PARP12: variants seen among roughly 807,000 people sequenced by gnomAD.
The protein encoded by PARP12 is poly(ADP-ribose) polymerase family member 12.
In PARP12, 59 loss-of-function variants were observed where a neutral mutation model predicts 72.4. The observed-to-expected ratio is 0.81, with a 90% CI of 0.66 to 1.01. The LOEUF (loss-of-function observed/expected upper bound fraction) is 1.01, where lower values mean the gene tolerates loss of function less well. Ranked by LOEUF, PARP12 falls within the 50% of genes least tolerant of loss-of-function variation. The probability of loss-of-function intolerance (pLI) is 0.00; values close to 1 mark genes in which losing one functional copy is unlikely to be tolerated. For missense variants in PARP12, 851 were observed against 914.0 expected (o/e 0.93, Z 0.89); for synonymous variants, 403 against 371.4 (o/e 1.09, Z -0.98).
Position 140,026,327 on chromosome 7 carries a change from C to T in PARP12, c.1650G>A (p.Lys550=). ...CGTCCACGGCCTTCCCTCCGTTCTG[C>T]TTCTGCATCTGTCCTTTTTGCCTAG... ...VYQWQKGQMQ[K]QNGGKAVDER... is the part of the protein sequence containing the mutation. The change falls in exon 11 of 12, where the codon AAG becomes AAA. Residue 550 remains lysine (K), a synonymous_variant. Coordinates refer to ENST00000263549, the MANE Select transcript of PARP12 (RefSeq NM_022750.4). The T allele has an allele frequency of 6.2e-7, 1 of 1,611,640 alleles. No homozygotes were observed. The highest frequency in any genetic ancestry group is 8.5e-7 in the Non-Finnish European group (1 of 1,179,822).
At chr7:140,029,904 G>A (rs1815875236) in intron 8 of PARP12, among the ~76,000 whole-genome samples, 1 of 152,154 alleles carries the variant, frequency 6.6e-6, no homozygotes, top group Non-Finnish European at 1.5e-5. Flanking sequence ...GTTGAGACAT[G>A]GAGAACAGTG....
At chr7:140,044,928 T>A (rs896280803) in intron 5 of PARP12, among the ~76,000 whole-genome samples, 3 of 152,174 alleles carry the variant, frequency 2.0e-5, no homozygotes, top group Non-Finnish European at 4.4e-5. Context: ...AAAATGGTAA[T>A]TGTGTAAGCT....
intron 8 of PARP12, 151 bp from the exon 9 acceptor site, chr7:140,028,839 C>T (rs575862421): frequency 6.8e-5 from 41 of 603,714 alleles, no homozygotes; most frequent in African/African-American, 4.9e-4. Flanking sequence ...AATGTTAGCA[C>T]GATATTCACA....
intron 6 of PARP12, 59 bp from the exon 7 acceptor site, chr7:140,037,915 C>A: frequency 6.4e-7 from 1 of 1,572,812 alleles, no homozygotes; most frequent in South Asian, 1.1e-5. Flanking sequence ...AGGAAAAACG[C>A]TGGTGGCACC....
Position 140,027,201 on chromosome 7 carries a change from G to A in PARP12, c.1628+75C>T, listed in dbSNP as rs953291126. On this transcript the variant is annotated intron_variant, in intron 10 of 11. Coordinates refer to ENST00000263549, the MANE Select transcript of PARP12 (RefSeq NM_022750.4). ...GCCGCTCTGCTTTTCCTGGAAACCC[G>A]GGCCACATGTGGCAACCAGCCAGTG... 4.2e-5 allele frequency: 66 copies of A among 1,557,248 alleles called. 3 individuals carry two copies. The highest frequency in any genetic ancestry group is 1.5e-4 in the South Asian group (13 of 87,352).
chr7:140,045,808 G>A (rs890744231), intron 5 of PARP12, among the ~76,000 whole-genome samples: 1 of 152,214 alleles, frequency 6.6e-6, no homozygotes, highest in Non-Finnish European at 1.5e-5. Flanking sequence ...CACGTTATTG[G>A]CCACCTGTGC....
chr7:140,047,235 CTT>C lies in PARP12; in HGVS notation c.863-230_863-229del, dbSNP rs543607072. Among the ~76,000 whole-genome samples the C allele has an allele frequency of 1.0e-3, 153 of 152,322 alleles. 1 individual carries two copies. The highest frequency in any genetic ancestry group is 3.5e-3 in the African/African-American group (144 of 41,566). ...TTAAATGTCTGTCCCTTCTAAAACT[CTT>C]GTTACAACTTAATCGCCAATGTGAT... On this transcript the variant is annotated intron_variant, in intron 4 of 11. Coordinates refer to ENST00000263549, the MANE Select transcript of PARP12 (RefSeq NM_022750.4).
rs922549620 is a variant in PARP12, at chr7:140,024,361, T to C, written c.*199A>G. The C allele has an allele frequency of 6.1e-6, 4 of 650,738 alleles. No individual in the cohort carries two copies. The highest frequency in any genetic ancestry group is 1.1e-5 in the Non-Finnish European group (4 of 376,018). 40.3% of individuals were successfully genotyped at this position (650,738 alleles called of 1,614,324 possible). On this transcript the variant is annotated 3_prime_UTR_variant, in exon 12 of 12. Transcript: ENST00000263549. ...AAAACTGGACTCAACTACAATCACT[T>C]CTGGTTAATCCACTAGTGAACCCAA...
At chr7:140,028,291 G>A (rs182904913) in intron 9 of PARP12, among the ~76,000 whole-genome samples, 18 of 152,040 alleles carry the variant, frequency 1.2e-4, no homozygotes, top group African/African-American at 3.6e-4. Context: ...TCCTTTTCTC[G>A]CTTAATAAAA....
At chr7:140,040,708 G>C (rs943123200) in intron 6 of PARP12, among the ~76,000 whole-genome samples, 3 of 152,184 alleles carry the variant, frequency 2.0e-5, no homozygotes, top group Non-Finnish European at 4.4e-5. Context: ...ACCCAGAAGA[G>C]TACAAAATAC....
In PARP12 at chr7:140,037,826, T is replaced by C. The variant is rs369708635; in HGVS notation, c.1213A>G (p.Ser405Gly). 19 of 1,613,210 alleles carry C rather than the reference T, an allele frequency of 1.2e-5. No homozygotes were observed. The African/African-American group carries it at 2.4e-4, about 20-fold the overall frequency. Residue 405 changes from serine to glycine, a missense_variant, in exon 7 of 12, where the codon AGT becomes GGT. Coordinates refer to ENST00000263549, the MANE Select transcript of PARP12 (RefSeq NM_022750.4). ...GTVHPVTTVSSSDVEKAYLAY... is the reference protein window; with the variant it reads ...GTVHPVTTVSGSDVEKAYLAY... The stretch of plus-strand genomic sequence containing the variant: ...AGGTAGGCCTTCTCCACGTCGCTAC[T>C]GCTGACAGTGGTCACAGGGTGCACC...
chr7:140,040,583 G>T (rs1816421447), intron 6 of PARP12, among the ~76,000 whole-genome samples: 1 of 152,198 alleles, frequency 6.6e-6, no homozygotes, highest in Admixed American at 6.5e-5. Flanking sequence ...TGGGGCAAAA[G>T]AAAAGACAAA....
intron 8 of PARP12, chr7:140,033,364 A>G (rs1014275556): frequency 6.1e-6 from 6 of 985,396 alleles, no homozygotes; most frequent in Admixed American, 1.2e-4. Context: ...AAAAGAACCA[A>G]AAGAGACATT....
chr7:140,034,039 T>G (rs187003756), intron 8 of PARP12, 196 bp downstream of exon 8: 1 of 1,240,986 alleles, frequency 8.1e-7, no homozygotes, highest in Admixed American at 3.9e-5. Flanking sequence ...TAATTATGCA[T>G]CACGAAGCTT....
intron 11 of PARP12, among the ~76,000 whole-genome samples, chr7:140,025,873 C>A (rs1815720759): frequency 6.6e-6 from 1 of 152,174 alleles, no homozygotes; most frequent in Non-Finnish European, 1.5e-5. Context: ...ATAGTAAAGG[C>A]ACAGTCAGGG....
At chr7:140,040,388 G>A (rs560012730) in intron 6 of PARP12, among the ~76,000 whole-genome samples, 2 of 152,302 alleles carry the variant, frequency 1.3e-5, no homozygotes, top group African/African-American at 4.8e-5. Flanking sequence ...AGGAGAGGCT[G>A]GTGCTGGCAA....
chr7:140,039,159 G>A (rs1339531992), intron 6 of PARP12, among the ~76,000 whole-genome samples: 2 of 152,208 alleles, frequency 1.3e-5, no homozygotes, highest in Non-Finnish European at 2.9e-5. Flanking sequence ...TCTGAAGTCT[G>A]TCTTCCTTCA....
At chr7:140,035,925 ACAAG>A (rs1476287094) in intron 7 of PARP12, among the ~76,000 whole-genome samples, 1,550 of 103,888 alleles carry the variant, frequency 0.015, 195 homozygotes, top group Non-Finnish European at 0.018. Flanking sequence ...AAGGAGGAGG[ACAAG>A]GAGGAGGAGG....
intron 4 of PARP12, among the ~76,000 whole-genome samples, chr7:140,048,593 GA>G (rs1446526606): frequency 1.3e-5 from 2 of 151,714 alleles, no homozygotes; most frequent in African/African-American, 2.4e-5. Context: ...GTAAAAAATA[GA>G]AAAAAAAGTA....
Sources: allele counts gnomAD v4.1 joint callset (sites outside exome capture counted in the v4.1 genomes callset), GRCh38; gene constraint gnomAD v4.1.1; transcripts MANE v1.5; gene names NCBI Gene and HGNC (gene_info 2026-07-23, HGNC 2026-07-21).